The following PCDHGA1 variants were observed in gnomAD, a reference collection of about 807,000 sequenced individuals.
The protein encoded by PCDHGA1 is protocadherin gamma-A1.
In PCDHGA1, 32 loss-of-function variants were observed where a neutral mutation model predicts 58.0. The observed-to-expected ratio is 0.55, with a 90% CI of 0.42 to 0.74. PCDHGA1 has a LOEUF of 0.74. Among genes scored for constraint, PCDHGA1 ranks in the 30% least tolerant of loss-of-function variants. The pLI is 0.00. For synonymous variants in PCDHGA1, 498 were observed against 501.1 expected (o/e 0.99, Z 0.08); for missense variants, 1,205 against 1,182.3 (o/e 1.02, Z -0.28).
chr5:141,496,876 A>G (rs964149656), intron 2 of PCDHGA1, among the ~76,000 whole-genome samples: 1 of 149,154 alleles, frequency 6.7e-6, no homozygotes, highest in African/African-American at 2.5e-5. Flanking sequence ...AAAATTTGCA[A>G]CAAGTAACAC....
At position 141,356,482 on chromosome 5, in the gene PCDHGA1, G is replaced by A. The variant is rs754929117; in HGVS notation, c.2421+23377G>A. On this transcript the variant is annotated intron_variant, in intron 1 of 3. Coordinates refer to ENST00000517417, the MANE Select transcript of PCDHGA1 (RefSeq NM_018912.3). ...CATCACTGTAACTGCCACTGACCAGGGAACTCCTCCACTGTCTACAGAAAC... is the reference window on the plus strand; with the variant it reads ...CATCACTGTAACTGCCACTGACCAGAGAACTCCTCCACTGTCTACAGAAAC... 6.8e-6 allele frequency: 11 copies of A among 1,613,940 alleles called. No individual in the cohort carries two copies. In the South Asian group the frequency reaches 9.9e-5, roughly 14 times the overall value.
intron 1 of PCDHGA1, chr5:141,376,588 T>A: frequency 6.3e-7 from 1 of 1,575,434 alleles, no homozygotes; most frequent in South Asian, 1.2e-5. Flanking sequence ...ATCAGCTAGA[T>A]CGGCTGTTAT....
chr5:141,456,390 T>G (rs1007800936), intron 1 of PCDHGA1, among the ~76,000 whole-genome samples: 2 of 152,114 alleles, frequency 1.3e-5, no homozygotes, highest in African/African-American at 4.8e-5. Context: ...CGTTTGGAGT[T>G]TGATTGCTTC....
intron 1 of PCDHGA1, chr5:141,387,775 A>C (rs2091090328): frequency 6.9e-7 from 1 of 1,450,000 alleles, no homozygotes; most frequent in South Asian, 1.4e-5. Context: ...TTTTTTCTTG[A>C]ACTGGAACTG....
Position 141,354,145 on chromosome 5 carries a change from T to C in PCDHGA1, c.2421+21040T>C, listed in dbSNP as rs546744648. ...TTAGAAATTGTAAAATAATACTGAA[T>C]GTGTCATGTGAAAAAATCACTAAAC... On this transcript the variant is annotated intron_variant, in intron 1 of 3. Transcript: ENST00000517417. Among the ~76,000 whole-genome samples the C allele has an allele frequency of 1.6e-4, 24 of 152,362 alleles. No homozygotes were observed. In the South Asian group the frequency reaches 4.3e-3, roughly 28 times the overall value.
At chr5:141,372,684 G>A (rs199934753) in intron 1 of PCDHGA1, 524 of 1,613,850 alleles carry the variant, frequency 3.2e-4, no homozygotes, top group Non-Finnish European at 4.1e-4. Flanking sequence ...CTCAAACACC[G>A]AGTTTAAATT....
chr5:141,488,046 G>A (rs958459817), intron 1 of PCDHGA1, among the ~76,000 whole-genome samples: 1 of 152,182 alleles, frequency 6.6e-6, no homozygotes, highest in African/African-American at 2.4e-5. Flanking sequence ...CCAAGGGATT[G>A]AGGGGAAATA....
At chr5:141,409,920 C>T (rs759433257) in intron 1 of PCDHGA1, 2 of 1,613,400 alleles carry the variant, frequency 1.2e-6, no homozygotes, top group Non-Finnish European at 1.7e-6. Flanking sequence ...GACGGCTCCG[C>T]GTTCTTCGAT....
intron 1 of PCDHGA1, chr5:141,405,447 T>C (rs2094668355): frequency 7.5e-7 from 1 of 1,339,134 alleles, no homozygotes; most frequent in South Asian, 1.3e-5. Flanking sequence ...TGAGACAGAG[T>C]CTTACTCTGT....
At position 141,351,482 on chromosome 5, in the gene PCDHGA1, C is replaced by A. The variant is rs148748054; in HGVS notation, c.2421+18377C>A. 6.5e-3 allele frequency: 10,410 copies of A among 1,613,848 alleles called. 45 individuals carry two copies. The highest frequency in any genetic ancestry group is 6.8e-3 in the Non-Finnish European group (8,040 of 1,179,816). On this transcript the variant is annotated intron_variant, in intron 1 of 3. Coordinates refer to ENST00000517417, the MANE Select transcript of PCDHGA1 (RefSeq NM_018912.3). ...GCTGGTGATTGCTGGAGCCCTAAAC[C>A]GGGAGCAGACAGCAGACTACAACGT... is the stretch of plus-strand genomic sequence containing the variant.
At chr5:141,394,789 C>A (rs747304715) in intron 1 of PCDHGA1, 1 of 1,613,728 alleles carries the variant, frequency 6.2e-7, no homozygotes, top group South Asian at 1.1e-5. Context: ...GCCACTGTCA[C>A]GCTCACCGTA....
At chr5:141,415,314 C>A (rs375384840) in intron 1 of PCDHGA1, 1 of 1,614,238 alleles carries the variant, frequency 6.2e-7, no homozygotes, top group Non-Finnish European at 8.5e-7. Context: ...CCTTCGTCAT[C>A]GTGCTGCTGG....
chr5:141,437,518 T>C (rs1482415074), intron 1 of PCDHGA1, among the ~76,000 whole-genome samples: 1 of 152,210 alleles, frequency 6.6e-6, no homozygotes, highest in African/African-American at 2.4e-5. Flanking sequence ...ATAAGGCTGA[T>C]GACAAATGAG....
chr5:141,355,132 G>C (rs1258521483), intron 1 of PCDHGA1: 2 of 1,519,092 alleles, frequency 1.3e-6, no homozygotes, highest in African/African-American at 2.8e-5. Flanking sequence ...GGACCCAGAA[G>C]ATCCTGGGGC....
intron 3 of PCDHGA1, among the ~76,000 whole-genome samples, chr5:141,505,766 C>T (rs1420683619): frequency 2.0e-5 from 3 of 151,768 alleles, no homozygotes; most frequent in African/African-American, 4.8e-5. Context: ...CAGTGTAGCT[C>T]AGGTCCTAGC....
Position 141,470,005 on chromosome 5 carries a change from T to A in PCDHGA1, c.2422-24802T>A, listed in dbSNP as rs189976589. Reference sequence around the variant, plus strand: ...AATTAGCTGGTCGTCGTGGCACGCCTGTAATCCCAGCTACTCGGGATGCTG... The same window carrying A: ...AATTAGCTGGTCGTCGTGGCACGCCAGTAATCCCAGCTACTCGGGATGCTG... On this transcript the variant is annotated intron_variant, in intron 1 of 3. Coordinates refer to ENST00000517417, the MANE Select transcript of PCDHGA1 (RefSeq NM_018912.3). 2.4e-4 allele frequency among the ~76,000 whole-genome samples: 37 copies of A among 152,254 alleles called. 2 individuals carry two copies. The highest frequency in any genetic ancestry group is 7.2e-4 in the Admixed American group (11 of 15,274).
At chr5:141,399,655 G>A in intron 1 of PCDHGA1, 2 of 1,613,730 alleles carry the variant, frequency 1.2e-6, no homozygotes, top group South Asian at 1.1e-5. Context: ...AAGTGGGGTG[G>A]TGTTCGCGCA....
At chr5:141,369,892 TATG>T (rs1425925280) in intron 1 of PCDHGA1, among the ~76,000 whole-genome samples, 1 of 152,208 alleles carries the variant, frequency 6.6e-6, no homozygotes. Context: ...AAGATATTAT[TATG>T]ACCATTTTAT....
chr5:141,487,323 G>A lies in PCDHGA1; in HGVS notation c.2422-7484G>A, dbSNP rs374901235. Reference sequence around the variant, plus strand: ...GTGGCACTACTCTCTAAGTGTCTTCGTGGGGCAGCCTGTGGAGTCACATGC... The same window carrying A: ...GTGGCACTACTCTCTAAGTGTCTTCATGGGGCAGCCTGTGGAGTCACATGC... On this transcript the variant is annotated intron_variant, in intron 1 of 3. Coordinates refer to ENST00000517417, the MANE Select transcript of PCDHGA1 (RefSeq NM_018912.3). The surrounding 1 kb of genome is among the most constrained non-coding windows in gnomAD (Gnocchi z 5.0). 4.0e-5 allele frequency: 65 copies of A among 1,613,982 alleles called. No homozygotes were observed. Among genetic ancestry groups the A allele is most frequent in the Non-Finnish European group, 4.7e-5 (56 of 1,180,012 alleles).
Sources: allele counts gnomAD v4.1 joint callset (sites outside exome capture counted in the v4.1 genomes callset), GRCh38; gene constraint gnomAD v4.1.1; non-coding constraint Gnocchi (gnomAD v3.1); transcripts MANE v1.5; gene names NCBI Gene and HGNC (gene_info 2026-07-23, HGNC 2026-07-21).